Variants in PCDH15 observed in about 807,000 individuals in gnomAD.
PCDH15 encodes the protein protocadherin related 15.
Under a neutral mutation model 178.5 loss-of-function variants are expected in PCDH15, and 129 were observed. The ratio of observed to expected loss-of-function variants is 0.72; its 90% CI spans 0.63 to 0.84. The LOEUF is 0.84. Ranked by LOEUF, PCDH15 falls within the 40% of genes least tolerant of loss-of-function variation. PCDH15 has a pLI of 0.00. For synonymous variants in PCDH15, 800 were observed against 732.0 expected (o/e 1.09, Z -1.50); for missense variants, 2,230 against 2,099.9 (o/e 1.06, Z -1.21).
intron 17 of PCDH15, among the ~76,000 whole-genome samples, chr10:54,077,608 A>G (rs1387459999): frequency 1.3e-5 from 2 of 152,120 alleles, no homozygotes; most frequent in Non-Finnish European, 2.9e-5. Flanking sequence ...CTCTTAATCT[A>G]TGCTAAATAA....
At position 55,512,370 on chromosome 10, in the gene PCDH15, G is replaced by T. The variant is rs570908625; in HGVS notation, c.-156+115255C>A. ...TTTTGTTATTCTAGGGTGTCTTGTG[G>T]GATTAACGCTCCTAGAATGCACTTC... is the stretch of plus-strand genomic sequence containing the variant. On this transcript the variant is annotated intron_variant, in intron 2 of 5. Transcript: ENST00000613346. Among the ~76,000 whole-genome samples, 22 of 151,970 alleles carry T rather than the reference G, an allele frequency of 1.4e-4. 3 individuals carry two copies. In the South Asian group the frequency reaches 4.6e-3, roughly 32 times the overall value.
At chr10:54,093,725 T>C (rs1220594489) in intron 15 of PCDH15, among the ~76,000 whole-genome samples, 1 of 152,182 alleles carries the variant, frequency 6.6e-6, no homozygotes, top group East Asian at 1.9e-4. Flanking sequence ...ATAGTAACTT[T>C]ACTGGTAAAT....
chr10:55,189,117 T>C (rs1839875936), intron 1 of PCDH15, among the ~76,000 whole-genome samples: 1 of 151,892 alleles, frequency 6.6e-6, no homozygotes, highest in Admixed American at 6.6e-5. Flanking sequence ...GTTTCATGGC[T>C]ACACAAGGAG....
At chr10:55,361,158 T>C (rs61464650) in intron 2 of PCDH15, among the ~76,000 whole-genome samples, 11,695 of 151,998 alleles carry the variant, frequency 0.077, 1,139 homozygotes, top group African/African-American at 0.23. Flanking sequence ...TCTAAGGTGT[T>C]AGAAGTTGTA....
At chr10:54,394,989 G>C (rs1433589265) in intron 3 of PCDH15, among the ~76,000 whole-genome samples, 1 of 152,238 alleles carries the variant, frequency 6.6e-6, no homozygotes, top group Admixed American at 6.5e-5. Flanking sequence ...AACAATTGCT[G>C]TTATCCTGTT....
intron 16 of PCDH15, among the ~76,000 whole-genome samples, chr10:54,085,586 G>T (rs1376337704): frequency 6.6e-6 from 1 of 152,066 alleles, no homozygotes; most frequent in Non-Finnish European, 1.5e-5. Flanking sequence ...AAAGATACTA[G>T]AAAAATGCAT....
chr10:55,448,028 G>A (rs1437896030), intron 2 of PCDH15, among the ~76,000 whole-genome samples: 1 of 151,770 alleles, frequency 6.6e-6, no homozygotes, highest in African/African-American at 2.4e-5. Flanking sequence ...GAGACAGAGG[G>A]TTGTTAATCT....
intron 1 of PCDH15, among the ~76,000 whole-genome samples, chr10:54,791,567 A>T (rs1951412408): frequency 6.6e-6 from 1 of 151,896 alleles, no homozygotes. Flanking sequence ...TGTATGCATT[A>T]TACTCATCTC....
intron 2 of PCDH15, among the ~76,000 whole-genome samples, chr10:55,598,850 A>G (rs1435733337): frequency 2.0e-5 from 3 of 152,000 alleles, no homozygotes; most frequent in Non-Finnish European, 2.9e-5. Flanking sequence ...AGTGTACTGG[A>G]AAGTGCACCT....
chr10:54,492,340 T>A (rs557644253), intron 3 of PCDH15, among the ~76,000 whole-genome samples: 1 of 152,310 alleles, frequency 6.6e-6, no homozygotes, highest in East Asian at 1.9e-4. Context: ...ACTGTGAGTC[T>A]TCAGGTCTCT....
chr10:54,587,148 T>TGACCATC (rs534287898), intron 2 of PCDH15, among the ~76,000 whole-genome samples: 2,283 of 152,174 alleles, frequency 0.015, 52 homozygotes, highest in African/African-American at 0.052. Flanking sequence ...CAGTGACCAT[T>TGACCATC]GGCATCATCT....
At chr10:55,545,621 G>A (rs1841863491) in intron 2 of PCDH15, among the ~76,000 whole-genome samples, 1 of 151,662 alleles carries the variant, frequency 6.6e-6, no homozygotes, top group Non-Finnish European at 1.5e-5. Context: ...ATGTTGGCCA[G>A]ACTGGTTTCA....
At chr10:55,579,572 T>C (rs1400712863) in intron 2 of PCDH15, among the ~76,000 whole-genome samples, 4 of 152,196 alleles carry the variant, frequency 2.6e-5, no homozygotes. Context: ...CTAAGCAACT[T>C]TGTTGTATGA....
chr10:54,444,669 C>A (rs1428328060), intron 3 of PCDH15, among the ~76,000 whole-genome samples: 2 of 151,656 alleles, frequency 1.3e-5, no homozygotes, highest in Non-Finnish European at 3.0e-5. Flanking sequence ...ACACATTTAT[C>A]CATTGCTCTA....
At chr10:54,314,266 C>T (rs948572172) in intron 8 of PCDH15, among the ~76,000 whole-genome samples, 10 of 151,574 alleles carry the variant, frequency 6.6e-5, no homozygotes, top group South Asian at 2.1e-4. Flanking sequence ...GTTGTCTTTC[C>T]GAATAGAAAT....
rs572357423 is a variant in PCDH15, at chr10:54,297,076, G to C, written c.876+20195C>G. On this transcript the variant is annotated intron_variant, in intron 8 of 37. Transcript: ENST00000644397. ...CAGCAGGGTCCAGGGACTGTTGTGG[G>C]TGCTTGGGCAAGAGGGGTTTCTGCT... is the stretch of plus-strand genomic sequence containing the variant. Among the ~76,000 whole-genome samples, 15 of 152,232 alleles carry C rather than the reference G, an allele frequency of 9.9e-5. No homozygotes were observed. In the East Asian group the frequency reaches 2.5e-3, roughly 26 times the overall value.
intron 3 of PCDH15, among the ~76,000 whole-genome samples, chr10:54,892,496 A>C (rs971811449): frequency 6.6e-6 from 1 of 151,924 alleles, no homozygotes; most frequent in Non-Finnish European, 1.5e-5. Context: ...ACAAATCAAA[A>C]GAAAAGAGTA....
At chr10:54,241,154 A>G (rs555057801) in intron 8 of PCDH15, among the ~76,000 whole-genome samples, 31 of 152,320 alleles carry the variant, frequency 2.0e-4, no homozygotes, top group African/African-American at 7.0e-4. Flanking sequence ...GGCTACTGCC[A>G]GGTCTTCCAC....
At chr10:55,296,215 C>T (rs1313157669) in intron 1 of PCDH15, among the ~76,000 whole-genome samples, 1 of 152,126 alleles carries the variant, frequency 6.6e-6, no homozygotes, top group African/African-American at 2.4e-5. Context: ...GCTCTGTGAA[C>T]CTCATTGTTT....
Sources: gnomAD v4.1 joint callset for allele counts (sites outside exome capture counted in the v4.1 genomes callset) on GRCh38, gnomAD v4.1.1 for gene constraint, MANE v1.5 for transcripts, NCBI Gene and HGNC (gene_info 2026-07-23, HGNC 2026-07-21) for gene names.